PRKD1: variants seen among roughly 807,000 people sequenced by gnomAD.
The protein encoded by PRKD1 is serine/threonine-protein kinase D1.
PRKD1 carries 63 observed loss-of-function variants against 95.9 expected under a neutral mutation model. That is an observed-to-expected ratio of 0.66 (90% CI 0.54 to 0.81). The LOEUF (loss-of-function observed/expected upper bound fraction) is 0.81, where lower values mean the gene tolerates loss of function less well. PRKD1 is among the 30% of genes least tolerant of loss of function. The probability of loss-of-function intolerance (pLI) is 0.00; values close to 1 mark genes in which losing one functional copy is unlikely to be tolerated. For missense variants in PRKD1, 1,048 were observed against 1,165.3 expected (o/e 0.90, Z 1.47); for synonymous variants, 425 against 423.1 (o/e 1.00, Z -0.05).
At chr14:29,600,899 CACA>C (rs1278546498) in intron 13 of PRKD1, among the ~76,000 whole-genome samples, 1 of 151,604 alleles carries the variant, frequency 6.6e-6, no homozygotes, top group Non-Finnish European at 1.5e-5. Context: ...TTTTTCTCTG[CACA>C]ACAACAAATC....
chr14:29,903,799 T>TC, intron 1 of PRKD1, among the ~76,000 whole-genome samples: 1 of 152,342 alleles, frequency 6.6e-6, no homozygotes, highest in African/African-American at 2.4e-5. Context: ...GTATAGGAAG[T>TC]CCATCATTTA....
rs200912664 is a variant in PRKD1, at chr14:29,689,465, C to A, written c.404-23257G>T. On this transcript the variant is annotated intron_variant, in intron 2 of 17. Transcript: ENST00000331968. ...TTAAAAAGTCAAGAAACAACAACAA[C>A]AAAAAAACAAGAAACAACAAGGTTG... Among the ~76,000 whole-genome samples the A allele has an allele frequency of 1.5e-3, 225 of 151,922 alleles. 2 individuals carry two copies. In the East Asian group the frequency reaches 0.025, roughly 17 times the overall value.
At chr14:29,744,628 C>A (rs941022524) in intron 1 of PRKD1, among the ~76,000 whole-genome samples, 1 of 152,176 alleles carries the variant, frequency 6.6e-6, no homozygotes, top group Admixed American at 6.5e-5. Context: ...CTCACTGTAG[C>A]CTCTACCTCC....
At chr14:29,834,837 T>C (rs570156925) in intron 1 of PRKD1, among the ~76,000 whole-genome samples, 7 of 152,258 alleles carry the variant, frequency 4.6e-5, no homozygotes, top group Admixed American at 2.0e-4. Context: ...GACTCATCCA[T>C]GTTAAGTAAT....
chr14:29,693,651 CAA>C (rs201168452), intron 2 of PRKD1, among the ~76,000 whole-genome samples: 52 of 133,448 alleles, frequency 3.9e-4, no homozygotes, highest in Middle Eastern at 3.8e-3. Flanking sequence ...ACAACAACAA[CAA>C]AAAAAAAAAA....
At chr14:29,901,383 G>C (rs1274742784) in intron 1 of PRKD1, among the ~76,000 whole-genome samples, 1 of 152,158 alleles carries the variant, frequency 6.6e-6, no homozygotes, top group African/African-American at 2.4e-5. Context: ...CACCTACTGA[G>C]TACTATGCTC....
intron 1 of PRKD1, among the ~76,000 whole-genome samples, chr14:29,813,016 AGGAGAATTGCTTGAACCTGGGAGGT>A (rs1378400408): frequency 6.6e-6 from 1 of 152,132 alleles, no homozygotes. Flanking sequence ...AGGCTGAGGC[AGGAGAATTGCTTGAACCTGGGAGGT>A]GGAGGTTGCA....
intron 1 of PRKD1, among the ~76,000 whole-genome samples, chr14:29,831,660 G>A (rs999826318): frequency 6.6e-6 from 1 of 151,528 alleles, no homozygotes; most frequent in Non-Finnish European, 1.5e-5. Flanking sequence ...GTAGAGATGG[G>A]GTTTCACCAT....
intron 13 of PRKD1, among the ~76,000 whole-genome samples, chr14:29,600,042 A>G (rs906472173): frequency 6.6e-6 from 1 of 152,146 alleles, no homozygotes; most frequent in African/African-American, 2.4e-5. Context: ...TTTCTATGTG[A>G]AAAAAATCCA....
chr14:29,881,740 A>C (rs1157694777), intron 1 of PRKD1, among the ~76,000 whole-genome samples: 2 of 152,092 alleles, frequency 1.3e-5, no homozygotes, highest in African/African-American at 4.8e-5. Context: ...CCAAAACTTC[A>C]ATAAATATGG....
chr14:29,642,912 A>ATT (rs5807544), intron 4 of PRKD1, among the ~76,000 whole-genome samples: 4,392 of 146,500 alleles, frequency 0.03, 185 homozygotes, highest in African/African-American at 0.097. Flanking sequence ...CTGCAGAATG[A>ATT]TTTTTTTTTT....
In PRKD1 at chr14:29,636,283, C is replaced by T. The variant is rs779280051; in HGVS notation, c.1190+7G>A. ...CTGTTGGCTGAGGCTGGGAGTGCTG[C>T]TCTCACCTGATGGTTCTGTTGGCGT... On this transcript the variant is annotated splice_region_variant and intron_variant, in intron 7 of 17. Coordinates refer to ENST00000331968, the MANE Select transcript of PRKD1 (RefSeq NM_002742.3). 3.1e-6 allele frequency: 5 copies of T among 1,614,204 alleles called. No individual in the cohort carries two copies. The highest frequency in any genetic ancestry group is 4.2e-6 in the Non-Finnish European group (5 of 1,180,016).
chr14:29,923,297 T>C (rs139966550), intron 1 of PRKD1, among the ~76,000 whole-genome samples: 1 of 149,606 alleles, frequency 6.7e-6, no homozygotes, highest in African/African-American at 2.5e-5. Context: ...CAGAAATCAG[T>C]AGACATATAA....
At chr14:29,763,246 G>C (rs1369609568) in intron 1 of PRKD1, among the ~76,000 whole-genome samples, 1 of 149,596 alleles carries the variant, frequency 6.7e-6, no homozygotes, top group East Asian at 2.0e-4. Flanking sequence ...CCAGTGAGCT[G>C]TGATTGTGCC....
chr14:29,593,739 T>C (rs919569223), intron 16 of PRKD1, among the ~76,000 whole-genome samples: 2 of 152,166 alleles, frequency 1.3e-5, no homozygotes, highest in Non-Finnish European at 2.9e-5. Flanking sequence ...GACTTCCCAG[T>C]TGTGTGAGCC....
intron 1 of PRKD1, among the ~76,000 whole-genome samples, chr14:29,918,989 G>A (rs917777398): frequency 5.3e-5 from 8 of 152,032 alleles, no homozygotes; most frequent in African/African-American, 1.2e-4. Context: ...TAATATATGC[G>A]GGGAAAAGTG....
At chr14:29,590,371 T>A (rs903280987) in intron 16 of PRKD1, among the ~76,000 whole-genome samples, 1 of 152,334 alleles carries the variant, frequency 6.6e-6, no homozygotes, top group East Asian at 1.9e-4. Context: ...GGATCTTAGA[T>A]AATCTATGTG....
chr14:29,765,754 T>C (rs773855129), intron 1 of PRKD1, among the ~76,000 whole-genome samples: 2 of 152,118 alleles, frequency 1.3e-5, no homozygotes, highest in Non-Finnish European at 2.9e-5. Flanking sequence ...TGATAGTAAA[T>C]GTAAAAGCAA....
chr14:29,926,567 A>G (rs909431437), intron 1 of PRKD1, among the ~76,000 whole-genome samples: 3 of 152,170 alleles, frequency 2.0e-5, no homozygotes, highest in African/African-American at 7.2e-5. Context: ...GGACACAGCC[A>G]GCCTCGGGGT....
Sources: gnomAD v4.1 joint callset for allele counts (sites outside exome capture counted in the v4.1 genomes callset) on GRCh38, gnomAD v4.1.1 for gene constraint, MANE v1.5 for transcripts, NCBI Gene and HGNC (gene_info 2026-07-23, HGNC 2026-07-21) for gene names.